The following PHACTR4 variants were observed in gnomAD, a reference collection of about 807,000 sequenced individuals.
PHACTR4 encodes the protein protein phosphatase 1, regulatory subunit 124.
PHACTR4 carries 51 observed loss-of-function variants against 72.7 expected under a neutral mutation model. The observed-to-expected ratio is 0.70, with a 90% CI of 0.56 to 0.89. The LOEUF is 0.89. PHACTR4 is among the 40% of genes least tolerant of loss of function. PHACTR4 has a pLI of 0.00. For synonymous variants in PHACTR4, 255 were observed against 302.5 expected (o/e 0.84, Z 1.63); for missense variants, 731 against 861.8 (o/e 0.85, Z 1.90).
chr1:28,425,992 G>A (rs1655814316), intron 2 of PHACTR4, among the ~76,000 whole-genome samples: 1 of 152,076 alleles, frequency 6.6e-6, no homozygotes. Context: ...AGGCAGAGAT[G>A]GGCAGATCAC....
intron 1 of PHACTR4, among the ~76,000 whole-genome samples, chr1:28,383,735 C>T (rs939798516): frequency 6.6e-6 from 1 of 152,124 alleles, no homozygotes; most frequent in Non-Finnish European, 1.5e-5. Flanking sequence ...TGTTTATCAG[C>T]TTAAGGAGCT....
In PHACTR4 at chr1:28,491,763, G is replaced by A; in HGVS notation, c.1992G>A (p.Trp664Ter). ...ATGACCGGCGAGCCGACAAACCTTG[G>A]ACCAAACTGACCCCTGCTGACAAGG... is the stretch of plus-strand genomic sequence containing the variant. ...QDYDRRADKPWTKLTPADKAA... is the reference protein window; with the variant it reads ...QDYDRRADKP The change falls in exon 12 of 14, where the codon TGG (tryptophan) becomes TGA (stop). Residue 664 changes from tryptophan (W) to a stop codon, truncating the protein, a stop_gained. Coordinates refer to ENST00000373839, the MANE Select transcript of PHACTR4 (RefSeq NM_001048183.3). LOFTEE classifies it high-confidence loss of function. The A allele has an allele frequency of 6.2e-7, 1 of 1,614,008 alleles. No homozygotes were observed. Among genetic ancestry groups the A allele is most frequent in the Non-Finnish European group, 8.5e-7 (1 of 1,179,986 alleles).
At chr1:28,382,678 G>A (rs1192647700) in intron 1 of PHACTR4, among the ~76,000 whole-genome samples, 8 of 151,896 alleles carry the variant, frequency 5.3e-5, no homozygotes, top group Admixed American at 2.6e-4. Context: ...TTGTAGTTTC[G>A]GGTTTTACAT....
chr1:28,437,372 G>A (rs973102493), intron 2 of PHACTR4, among the ~76,000 whole-genome samples: 1 of 152,068 alleles, frequency 6.6e-6, no homozygotes, highest in African/African-American at 2.4e-5. Context: ...TGGGACTACT[G>A]GCACATGCCA....
At chr1:28,421,263 T>TAC (rs1202608094) in intron 2 of PHACTR4, among the ~76,000 whole-genome samples, 3 of 152,064 alleles carry the variant, frequency 2.0e-5, no homozygotes, top group African/African-American at 7.2e-5. Context: ...TGCACATATA[T>TAC]ACACACACAT....
chr1:28,466,630 C>T lies in PHACTR4; in HGVS notation c.685C>T (p.Pro229Ser). 1 of 1,613,926 alleles carries T rather than the reference C, an allele frequency of 6.2e-7. No homozygotes were observed. Among genetic ancestry groups the T allele is most frequent in the Non-Finnish European group, 8.5e-7 (1 of 1,179,986 alleles). Reference sequence around the variant, plus strand: ...TGTTAATCTCTCTGTCACCCCTTCCCCAGCACCCAGGACTCTGCCTGCTGC... The same window carrying T: ...TGTTAATCTCTCTGTCACCCCTTCCTCAGCACCCAGGACTCTGCCTGCTGC... ...KTVNLSVTPS[P>S]APRTLPAAPA... is the part of the protein sequence containing the mutation. The change falls in exon 6 of 14, where the codon CCA becomes TCA. Residue 229 changes from proline (P) to serine (S), a missense_variant. Transcript: ENST00000373839.
chr1:28,390,571 C>T (rs1021034452), intron 1 of PHACTR4, among the ~76,000 whole-genome samples: 1 of 151,396 alleles, frequency 6.6e-6, no homozygotes. Flanking sequence ...GGGTGGATCA[C>T]CTGAGGTCAG....
intron 2 of PHACTR4, among the ~76,000 whole-genome samples, chr1:28,442,811 T>C (rs1354293373): frequency 6.6e-6 from 1 of 152,176 alleles, no homozygotes; most frequent in African/African-American, 2.4e-5. Context: ...TGGCAAATTT[T>C]TTTTTTAATT....
intron 2 of PHACTR4, among the ~76,000 whole-genome samples, chr1:28,435,065 T>G (rs1430065846): frequency 6.6e-6 from 1 of 152,164 alleles, no homozygotes; most frequent in African/African-American, 2.4e-5. Flanking sequence ...TTCCATTTGC[T>G]TAATATTTCT....
intron 2 of PHACTR4, among the ~76,000 whole-genome samples, chr1:28,411,544 G>C (rs1424728467): frequency 1.3e-5 from 2 of 152,074 alleles, no homozygotes; most frequent in Non-Finnish European, 2.9e-5. Flanking sequence ...CATATGATAA[G>C]AATTTGGTGT....
chr1:28,455,199 T>TTTCTA (rs1491574007), intron 2 of PHACTR4, among the ~76,000 whole-genome samples: 3 of 26,400 alleles, frequency 1.1e-4, no homozygotes, highest in African/African-American at 6.3e-4. Flanking sequence ...TCTTTCTTTC[T>TTTCTA]TTTTTTTTTT....
At chr1:28,425,767 G>A (rs1655798951) in intron 2 of PHACTR4, among the ~76,000 whole-genome samples, 1 of 152,208 alleles carries the variant, frequency 6.6e-6, no homozygotes, top group African/African-American at 2.4e-5. Flanking sequence ...GCCGAATTAG[G>A]AAGAGTTGTG....
At chr1:28,487,717 G>GTTTTTTTTTT (rs1320016675) in intron 9 of PHACTR4, among the ~76,000 whole-genome samples, 20 of 102,454 alleles carry the variant, frequency 2.0e-4, no homozygotes, top group African/African-American at 6.9e-4. Flanking sequence ...ACAAATTGTA[G>GTTTTTTTTTT]TTTTTTGTTG....
At chr1:28,405,987 TTA>T (rs1247815554) in intron 1 of PHACTR4, among the ~76,000 whole-genome samples, 1 of 152,174 alleles carries the variant, frequency 6.6e-6, no homozygotes, top group Non-Finnish European at 1.5e-5. Context: ...ATATTTCACT[TTA>T]TGCCTCAATT....
intron 2 of PHACTR4, among the ~76,000 whole-genome samples, chr1:28,425,514 G>A (rs1268241246): frequency 3.9e-5 from 6 of 152,208 alleles, no homozygotes; most frequent in South Asian, 4.1e-4. Flanking sequence ...TTATTGAGTC[G>A]TAGTGTAACT....
chr1:28,387,980 G>A (rs558387558), intron 1 of PHACTR4, among the ~76,000 whole-genome samples: 2 of 151,890 alleles, frequency 1.3e-5, no homozygotes, highest in African/African-American at 2.4e-5. Context: ...CACCCGCCTT[G>A]GCCTCCCAAA....
At chr1:28,445,728 C>T (rs1347744071) in intron 2 of PHACTR4, among the ~76,000 whole-genome samples, 1 of 151,572 alleles carries the variant, frequency 6.6e-6, no homozygotes, top group Non-Finnish European at 1.5e-5. Flanking sequence ...CCCATCTCTA[C>T]AAAAAAAATG....
chr1:28,394,007 C>T (rs761263022), intron 1 of PHACTR4, among the ~76,000 whole-genome samples: 39 of 152,144 alleles, frequency 2.6e-4, no homozygotes, highest in Admixed American at 9.8e-4. Context: ...GCCACCTCAC[C>T]CAGCCTTATT....
At chr1:28,378,401 G>T (rs1651868181) in intron 1 of PHACTR4, among the ~76,000 whole-genome samples, 1 of 150,978 alleles carries the variant, frequency 6.6e-6, no homozygotes, top group East Asian at 1.9e-4. Flanking sequence ...CTACTCAGGA[G>T]GCTGAGGCAG....
Sources: gnomAD v4.1 joint callset for allele counts (sites outside exome capture counted in the v4.1 genomes callset) on GRCh38, gnomAD v4.1.1 for gene constraint, MANE v1.5 for transcripts, NCBI Gene and HGNC (gene_info 2026-07-23, HGNC 2026-07-21) for gene names.